Variants in LRPPRC observed in about 807,000 individuals in gnomAD.
LRPPRC encodes leucine rich pentatricopeptide repeat containing, also known as leucine-rich PPR motif-containing protein, mitochondrial.
Under a neutral mutation model 180.3 loss-of-function variants are expected in LRPPRC, and 120 were observed. The observed-to-expected ratio is 0.67, with a 90% confidence interval of 0.57 to 0.77. The LOEUF is 0.77. Ranked by LOEUF, LRPPRC falls within the 30% of genes least tolerant of loss-of-function variation. LRPPRC has a pLI of 0.00. For missense variants in LRPPRC, 2,012 were observed against 1,657.2 expected, an observed-to-expected ratio of 1.21 and a Z score of -3.72; for synonymous variants, 723 against 600.0, an observed-to-expected ratio of 1.21 and a Z score of -3.00.
intron 8 of LRPPRC, 92 bp downstream of exon 8, chr2:43,974,522 A>G (rs1440313425): frequency 2.6e-5 from 25 of 959,998 alleles, no homozygotes; most frequent in Non-Finnish European, 3.9e-5. Flanking sequence ...AACTCCCACA[A>G]TGCCCATTGT....
intron 34 of LRPPRC, among the ~76,000 whole-genome samples, chr2:43,898,947 G>C (rs930959413): frequency 2.0e-5 from 3 of 151,964 alleles, no homozygotes; most frequent in Non-Finnish European, 4.4e-5. Context: ...AGCGAAACTC[G>C]CTGCCCCATA....
chr2:43,915,305 TA>T (rs1422302148), intron 29 of LRPPRC, among the ~76,000 whole-genome samples: 1 of 149,012 alleles, frequency 6.7e-6, no homozygotes, highest in Non-Finnish European at 1.5e-5. Flanking sequence ...TACATAGTAT[TA>T]ATCAAGCTTA....
chr2:43,931,780 T>G (rs556328646), intron 25 of LRPPRC, among the ~76,000 whole-genome samples: 1 of 152,224 alleles, frequency 6.6e-6, no homozygotes, highest in African/African-American at 2.4e-5. Context: ...TCATGAACCC[T>G]TAAAGGTGGC....
intron 7 of LRPPRC, 137 bp downstream of exon 7, chr2:43,974,954 A>G (rs1182329909): frequency 8.1e-6 from 8 of 985,200 alleles, no homozygotes; most frequent in African/African-American, 3.2e-5. Context: ...AACTATAATA[A>G]TTCTCCATAA....
At chr2:43,961,825 G>T (rs551102913) in intron 12 of LRPPRC, among the ~76,000 whole-genome samples, 2 of 152,258 alleles carry the variant, frequency 1.3e-5, no homozygotes, top group African/African-American at 2.4e-5. Context: ...GCTGGGTGTG[G>T]TGGTGGGCAC....
chr2:43,899,657 C>T, intron 32 of LRPPRC, 52 bp from the exon 33 acceptor site: 2 of 1,250,098 alleles, frequency 1.6e-6, no homozygotes, highest in East Asian at 2.4e-5. Flanking sequence ...GTTAATATTA[C>T]AGGCAGTTTA....
intron 23 of LRPPRC, among the ~76,000 whole-genome samples, chr2:43,943,074 A>T (rs1411174489): frequency 6.6e-6 from 1 of 152,134 alleles, no homozygotes; most frequent in African/African-American, 2.4e-5. Context: ...AAAAGATGAT[A>T]AATTACGCTT....
chr2:43,953,319 C>T (rs576768009), intron 14 of LRPPRC, among the ~76,000 whole-genome samples: 135 of 152,284 alleles, frequency 8.9e-4, no homozygotes, highest in Non-Finnish European at 1.5e-3. Flanking sequence ...GCCAAGTTAC[C>T]ACAACCTACG....
intron 25 of LRPPRC, among the ~76,000 whole-genome samples, chr2:43,932,089 A>G (rs1672109024): frequency 7.1e-6 from 1 of 140,302 alleles, no homozygotes; most frequent in Admixed American, 7.6e-5. Flanking sequence ...CCACCACTGT[A>G]CTACAGCCTG....
intron 1 of LRPPRC, among the ~76,000 whole-genome samples, chr2:43,995,595 C>G (rs1675013044): frequency 6.6e-6 from 1 of 152,220 alleles, no homozygotes; most frequent in Non-Finnish European, 1.5e-5. Flanking sequence ...GCAGGCCATG[C>G]CCACAGCCGT....
In LRPPRC at chr2:43,889,866, T is replaced by G; in HGVS notation, c.3996A>C (p.Lys1332Asn). Residue 1332 changes from lysine to asparagine, a missense_variant, in exon 37 of 38, where the codon AAA becomes AAC. Transcript: ENST00000260665. ...NSLMKSYVSE[K>N]DVTSAKALYE... is the part of the protein sequence containing the mutation. ...ACAGTGCTTTAGCAGATGTGACATC[T>G]TTCTCTGAGACTGACATAAAGAAAA... is the stretch of plus-strand genomic sequence containing the variant. 1 of 1,606,712 alleles carries G rather than the reference T, an allele frequency of 6.2e-7. No homozygotes were observed. The highest frequency in any genetic ancestry group is 8.5e-7 in the Non-Finnish European group (1 of 1,173,184).
intron 25 of LRPPRC, among the ~76,000 whole-genome samples, chr2:43,929,623 G>C (rs958114912): frequency 2.0e-5 from 3 of 151,648 alleles, no homozygotes; most frequent in Non-Finnish European, 4.4e-5. Context: ...ACATGTAAGT[G>C]GACCTACACA....
rs1471042796 is a variant in LRPPRC at position 43,943,853 on chromosome 2, G to A, written c.2338C>T (p.Leu780Phe). 1 of 1,612,998 alleles carries A rather than the reference G, an allele frequency of 6.2e-7. No individual in the cohort carries two copies. The highest frequency in any genetic ancestry group is 8.5e-7 in the Non-Finnish European group (1 of 1,179,278). Reference sequence around the variant, plus strand: ...GACAAGGCTGTTGTATCTTTGATAAGAACATCCTTCTCTTTCATCTCCTTC... The same window carrying A: ...GACAAGGCTGTTGTATCTTTGATAAAAACATCCTTCTCTTTCATCTCCTTC... ...ILKEMKEKDVLIKDTTALSFF... is the reference protein window; with the variant it reads ...ILKEMKEKDVFIKDTTALSFF... The change falls in exon 23 of 38, where the codon CTT becomes TTT. Residue 780 changes from leucine to phenylalanine, a missense_variant. Transcript: ENST00000260665.
chr2:43,971,367 TTATAAA>T lies in LRPPRC; in HGVS notation c.1369+2234_1369+2239del, dbSNP rs554411546. On this transcript the variant is annotated intron_variant, in intron 11 of 37. Coordinates refer to ENST00000260665, the MANE Select transcript of LRPPRC (RefSeq NM_133259.4). ...AGTAAGATGAGCCATGAGGAAGTAA[TTATAAA>T]TATCTTTCTTGGAGGTTGGTGATGG... Among the ~76,000 whole-genome samples the T allele has an allele frequency of 7.5e-4, 113 of 151,204 alleles. 1 individual carries two copies. The highest frequency in any genetic ancestry group is 1.2e-3 in the Non-Finnish European group (81 of 67,824).
In LRPPRC at chr2:43,889,869, C is replaced by T. The variant is rs765776144; in HGVS notation, c.3993G>A (p.Glu1331=). Residue 1331 remains glutamate, a synonymous_variant, in exon 37 of 38, where the codon GAG becomes GAA. Transcript: ENST00000260665. ...YNSLMKSYVS[E]KDVTSAKALY... ...GTGCTTTAGCAGATGTGACATCTTTCTCTGAGACTGACATAAAGAAAAAAA... is the reference window on the plus strand; with the variant it reads ...GTGCTTTAGCAGATGTGACATCTTTTTCTGAGACTGACATAAAGAAAAAAA... 1.2e-5 allele frequency: 19 copies of T among 1,606,360 alleles called. No individual in the cohort carries two copies. The highest frequency in any genetic ancestry group is 1.6e-5 in the Non-Finnish European group (19 of 1,172,870).
At chr2:43,907,617 C>T (rs1454312496) in intron 30 of LRPPRC, among the ~76,000 whole-genome samples, 2 of 152,030 alleles carry the variant, frequency 1.3e-5, no homozygotes, top group East Asian at 3.8e-4. Context: ...TTTATTTTAA[C>T]TAATTTAAAT....
chr2:43,974,870 T>G lies in LRPPRC; in HGVS notation c.865-112A>C, dbSNP rs901350638. The G allele has an allele frequency of 8.5e-5, 97 of 1,136,944 alleles. 1 individual carries two copies. Among genetic ancestry groups the G allele is most frequent in the Non-Finnish European group, 1.2e-4 (95 of 766,754 alleles). 70.4% of individuals were successfully genotyped at this position (1,136,944 alleles called of 1,614,324 possible). ...ACTAGGGAAAAATACCACCTAAAGG[T>G]TTACGACTTCTTTTAAAAAACAGGA... On this transcript the variant is annotated intron_variant, in intron 7 of 37. Transcript: ENST00000260665.
At chr2:43,963,537 G>A (rs765394949) in intron 12 of LRPPRC, 51 bp downstream of exon 12, 9 of 1,086,606 alleles carry the variant, frequency 8.3e-6, no homozygotes, top group African/African-American at 4.6e-5. Flanking sequence ...AAACATTAAG[G>A]AGGAAAGATA....
chr2:43,958,505 C>T (rs941577632), intron 13 of LRPPRC, among the ~76,000 whole-genome samples: 1 of 152,172 alleles, frequency 6.6e-6, no homozygotes, highest in Non-Finnish European at 1.5e-5. Flanking sequence ...CTGCTATATT[C>T]CTTGAACAAG....
Sources: allele counts gnomAD v4.1 joint callset (sites outside exome capture counted in the v4.1 genomes callset), GRCh38; gene constraint gnomAD v4.1.1; transcripts MANE v1.5; gene names NCBI Gene and HGNC (gene_info 2026-07-23, HGNC 2026-07-21).